The following KCNT2 variants were observed in gnomAD, a reference collection of about 807,000 sequenced individuals.
KCNT2 encodes potassium channel subfamily T member 2.
In KCNT2, 67 loss-of-function variants were observed where a neutral mutation model predicts 153.8. That is an observed-to-expected ratio of 0.44 (90% CI 0.36 to 0.53). KCNT2 has a LOEUF of 0.53. Ranked by LOEUF, KCNT2 falls within the 20% of genes least tolerant of loss-of-function variation. The pLI, the probability that KCNT2 is intolerant of heterozygous loss-of-function variation, is 0.00. For synonymous variants in KCNT2, 500 were observed against 458.8 expected, an observed-to-expected ratio of 1.09 and a Z score of -1.15; for missense variants, 975 against 1,354.8, an observed-to-expected ratio of 0.72 and a Z score of 4.40.
intron 1 of KCNT2, among the ~76,000 whole-genome samples, chr1:196,607,124 G>A (rs1665403910): frequency 6.6e-6 from 1 of 152,054 alleles, no homozygotes; most frequent in African/African-American, 2.4e-5. Context: ...GTTGGTATTG[G>A]GAGCTGAAAA....
intron 27 of KCNT2, among the ~76,000 whole-genome samples, chr1:196,231,506 T>C (rs1287696361): frequency 6.6e-6 from 1 of 151,090 alleles, no homozygotes; most frequent in African/African-American, 2.4e-5. Context: ...GCAGATATAA[T>C]GGAAGAAAAA....
At chr1:196,423,736 C>CAAAAA (rs57296160) in intron 11 of KCNT2, among the ~76,000 whole-genome samples, 1 of 149,042 alleles carries the variant, frequency 6.7e-6, no homozygotes, top group Non-Finnish European at 1.5e-5. Flanking sequence ...AAATATTTTC[C>CAAAAA]AAAAAAAAAA....
At chr1:196,528,048 T>C (rs1654471750) in intron 1 of KCNT2, among the ~76,000 whole-genome samples, 1 of 152,236 alleles carries the variant, frequency 6.6e-6, no homozygotes, top group Non-Finnish European at 1.5e-5. Context: ...CAATCAGTGC[T>C]ATAGAACAAT....
At chr1:196,351,641 C>T (rs986460896) in intron 14 of KCNT2, among the ~76,000 whole-genome samples, 5 of 151,898 alleles carry the variant, frequency 3.3e-5, no homozygotes, top group African/African-American at 7.3e-5. Context: ...ACAATCATGT[C>T]GTCTGCAAAC....
chr1:196,309,051 T>C (rs938014633), intron 21 of KCNT2, among the ~76,000 whole-genome samples: 2 of 151,914 alleles, frequency 1.3e-5, no homozygotes, highest in Non-Finnish European at 2.9e-5. Context: ...TATAAGGATA[T>C]ATGTATTTTT....
intron 1 of KCNT2, among the ~76,000 whole-genome samples, chr1:196,551,784 A>C (rs1212878180): frequency 6.6e-6 from 1 of 151,586 alleles, no homozygotes; most frequent in Non-Finnish European, 1.5e-5. Context: ...TCTCAATTAC[A>C]TTCACTTACA....
intron 1 of KCNT2, among the ~76,000 whole-genome samples, chr1:196,495,015 T>C (rs1680148204): frequency 6.6e-6 from 1 of 152,040 alleles, no homozygotes; most frequent in Non-Finnish European, 1.5e-5. Context: ...TTGCATGGTG[T>C]GAAGTCTCTC....
At chr1:196,577,049 A>T (rs1035758232) in intron 1 of KCNT2, among the ~76,000 whole-genome samples, 2 of 152,188 alleles carry the variant, frequency 1.3e-5, no homozygotes, top group Admixed American at 1.3e-4. Context: ...CTTTTTAATT[A>T]TGCCAACAGA....
chr1:196,238,100 C>G (rs1325106660), intron 26 of KCNT2, among the ~76,000 whole-genome samples: 1 of 151,758 alleles, frequency 6.6e-6, no homozygotes, highest in Non-Finnish European at 1.5e-5. Context: ...CTTTTATGAA[C>G]AATGACATTA....
chr1:196,392,986 G>A (rs758538638), intron 13 of KCNT2, among the ~76,000 whole-genome samples: 2 of 151,250 alleles, frequency 1.3e-5, no homozygotes, highest in Non-Finnish European at 3.0e-5. Flanking sequence ...TTTGAATTGC[G>A]AAGTACAAAG....
chr1:196,532,818 T>C (rs1655113349), intron 1 of KCNT2, among the ~76,000 whole-genome samples: 2 of 152,052 alleles, frequency 1.3e-5, no homozygotes, highest in African/African-American at 2.4e-5. Flanking sequence ...TAATCTCTTT[T>C]TATAAACCAA....
chr1:196,342,273 A>C lies in KCNT2; in HGVS notation c.1404-45T>G, dbSNP rs374882493. On this transcript the variant is annotated intron_variant, in intron 14 of 27. Transcript: ENST00000294725. ...ACATACACACACACAAAAAGAAAAC[A>C]CAGTGAATGTGGTTAAAAAACAGTT... 5 of 1,526,094 alleles carry C rather than the reference A, an allele frequency of 3.3e-6. No homozygotes were observed. The African/African-American group carries it at 6.9e-5, about 21-fold the overall frequency. The allele number at this position is 1,526,094 out of a possible 1,614,324, so 94.5% of individuals were successfully genotyped here.
intron 8 of KCNT2, among the ~76,000 whole-genome samples, chr1:196,450,785 C>T (rs1326617700): frequency 2.0e-5 from 3 of 151,746 alleles, no homozygotes; most frequent in Admixed American, 2.0e-4. Flanking sequence ...ATAGTATCCA[C>T]AGCATTTTTA....
At chr1:196,320,976 CTT>C (rs1036437372) in intron 19 of KCNT2, among the ~76,000 whole-genome samples, 1 of 135,848 alleles carries the variant, frequency 7.4e-6, no homozygotes, top group African/African-American at 2.7e-5. Context: ...ACCTTATTTT[CTT>C]TTTTTTTTTT....
At chr1:196,282,444 C>G in intron 23 of KCNT2, 88 bp from the exon 24 acceptor site, 1 of 619,882 alleles carries the variant, frequency 1.6e-6, no homozygotes, top group Non-Finnish European at 2.8e-6. Context: ...GTGTGAACAT[C>G]TGACTTCTAA....
chr1:196,311,670 T>A (rs530150043), intron 21 of KCNT2, among the ~76,000 whole-genome samples: 90 of 151,854 alleles, frequency 5.9e-4, no homozygotes, highest in Admixed American at 1.1e-3. Flanking sequence ...AGAGAGACTT[T>A]TTTTCCCCAG....
intron 1 of KCNT2, among the ~76,000 whole-genome samples, chr1:196,493,822 A>C (rs1481778169): frequency 1.3e-5 from 2 of 152,146 alleles, no homozygotes; most frequent in Admixed American, 1.3e-4. Flanking sequence ...CTCTCTAAAG[A>C]ATATATTTCT....
intron 3 of KCNT2, among the ~76,000 whole-genome samples, chr1:196,482,599 T>C: frequency 6.6e-6 from 1 of 152,116 alleles, no homozygotes; most frequent in East Asian, 1.9e-4. Flanking sequence ...TCATTGTTAA[T>C]AAATTAAAAT....
chr1:196,516,937 A>G (rs7545822), intron 1 of KCNT2, among the ~76,000 whole-genome samples: 4 of 152,102 alleles, frequency 2.6e-5, no homozygotes, highest in African/African-American at 9.7e-5. Context: ...CTGATCTCAT[A>G]CTTCCTCATT....
Sources: gnomAD v4.1 joint callset for allele counts (sites outside exome capture counted in the v4.1 genomes callset) on GRCh38, gnomAD v4.1.1 for gene constraint, MANE v1.5 for transcripts, NCBI Gene and HGNC (gene_info 2026-07-23, HGNC 2026-07-21) for gene names.